The following CNTNAP5 variants were observed in gnomAD, a reference collection of about 807,000 sequenced individuals.
CNTNAP5 encodes the protein contactin associated protein family member 5.
Under a neutral mutation model 150.2 loss-of-function variants are expected in CNTNAP5, and 72 were observed. The ratio of observed to expected loss-of-function variants is 0.48; its 90% confidence interval spans 0.40 to 0.58. The LOEUF (loss-of-function observed/expected upper bound fraction) is 0.58. Among genes scored for constraint, CNTNAP5 ranks in the 20% least tolerant of loss-of-function variants. The pLI is 0.00. For missense variants in CNTNAP5, 1,636 were observed against 1,626.2 expected, an observed-to-expected ratio of 1.01 and a Z score of -0.10; for synonymous variants, 672 against 619.8, an observed-to-expected ratio of 1.08 and a Z score of -1.25.
At chr2:124,476,626 G>C (rs77636541) in intron 7 of CNTNAP5, among the ~76,000 whole-genome samples, 3,298 of 152,254 alleles carry the variant, frequency 0.022, 73 homozygotes, top group South Asian at 0.053. Flanking sequence ...GGAGAGACTT[G>C]GTTCTATCTG....
chr2:124,856,556 A>G (rs1573664686), intron 19 of CNTNAP5, among the ~76,000 whole-genome samples: 1 of 152,062 alleles, frequency 6.6e-6, no homozygotes, highest in Non-Finnish European at 1.5e-5. Flanking sequence ...TAATATCGCA[A>G]TGTTGTTTTA....
rs558572178 is a variant in CNTNAP5 at position 124,255,866 on chromosome 2, C to T, written c.381+13473C>T. 6.7e-4 allele frequency among the ~76,000 whole-genome samples: 102 copies of T among 152,206 alleles called. 1 individual carries two copies. The Middle Eastern group carries it at 0.024, about 36-fold the overall frequency. Reference sequence around the variant, plus strand: ...CAGATGCACGTATGCAGCCCAGGCACATAGTAGGTACTCAATAAATGCTGG... The same window carrying T: ...CAGATGCACGTATGCAGCCCAGGCATATAGTAGGTACTCAATAAATGCTGG... On this transcript the variant is annotated intron_variant, in intron 3 of 23. Coordinates refer to ENST00000682447, the MANE Select transcript of CNTNAP5 (RefSeq NM_001367498.1).
intron 12 of CNTNAP5, among the ~76,000 whole-genome samples, chr2:124,647,427 A>G (rs904848461): frequency 2.0e-5 from 3 of 152,074 alleles, no homozygotes; most frequent in Non-Finnish European, 4.4e-5. Flanking sequence ...GAGTTGCCTA[A>G]TTTTCTTTCA....
At chr2:124,508,183 C>T (rs1694459209) in intron 8 of CNTNAP5, among the ~76,000 whole-genome samples, 1 of 152,162 alleles carries the variant, frequency 6.6e-6, no homozygotes, top group Admixed American at 6.5e-5. Flanking sequence ...CATTTTTCTT[C>T]CTTCCGTGCT....
intron 6 of CNTNAP5, among the ~76,000 whole-genome samples, chr2:124,469,056 C>T (rs1693445150): frequency 6.6e-6 from 1 of 152,168 alleles, no homozygotes; most frequent in African/African-American, 2.4e-5. Context: ...TATCCATATC[C>T]ACCCAACTCA....
At chr2:124,108,638 G>A (rs1683222203) in intron 1 of CNTNAP5, among the ~76,000 whole-genome samples, 1 of 152,170 alleles carries the variant, frequency 6.6e-6, no homozygotes, top group African/African-American at 2.4e-5. Context: ...GGGAAGCTTT[G>A]AATGTGTTCA....
chr2:124,663,190 G>A (rs887923805), intron 13 of CNTNAP5, among the ~76,000 whole-genome samples: 1 of 152,146 alleles, frequency 6.6e-6, no homozygotes, highest in African/African-American at 2.4e-5. Context: ...AACCTGTTAC[G>A]GTTAAATCCC....
intron 3 of CNTNAP5, among the ~76,000 whole-genome samples, chr2:124,307,691 T>C (rs1688726100): frequency 6.6e-6 from 1 of 152,122 alleles, no homozygotes; most frequent in African/African-American, 2.4e-5. Flanking sequence ...AAACTGAAGG[T>C]GAAGGAAGGA....
chr2:124,883,957 CATAT>C (rs1255325519), intron 21 of CNTNAP5, among the ~76,000 whole-genome samples: 39 of 152,060 alleles, frequency 2.6e-4, no homozygotes, highest in Admixed American at 6.5e-4. Context: ...TACATGTACA[CATAT>C]GTTTCTTTCT....
chr2:124,685,449 A>T (rs939175591), intron 13 of CNTNAP5, among the ~76,000 whole-genome samples: 4 of 132,414 alleles, frequency 3.0e-5, no homozygotes, highest in Admixed American at 7.2e-5. Flanking sequence ...TTTTCCTTGT[A>T]GGTTATGCAT....
intron 6 of CNTNAP5, among the ~76,000 whole-genome samples, chr2:124,470,333 T>C (rs148179048): frequency 1.3e-3 from 202 of 152,234 alleles, no homozygotes; most frequent in African/African-American, 4.7e-3. Flanking sequence ...GATATTGAAC[T>C]TTTTTTCATA....
intron 11 of CNTNAP5, among the ~76,000 whole-genome samples, chr2:124,589,317 C>A (rs1696625590): frequency 6.6e-6 from 1 of 152,120 alleles, no homozygotes; most frequent in African/African-American, 2.4e-5. Flanking sequence ...TGGCTTCTTT[C>A]ATTTAGCACG....
intron 1 of CNTNAP5, among the ~76,000 whole-genome samples, chr2:124,124,252 C>A (rs1683633311): frequency 6.6e-6 from 1 of 152,022 alleles, no homozygotes; most frequent in Admixed American, 6.6e-5. Flanking sequence ...GGCACGAGAA[C>A]TATGTGACGC....
At chr2:124,717,185 T>C (rs1679961858) in intron 13 of CNTNAP5, among the ~76,000 whole-genome samples, 1 of 152,134 alleles carries the variant, frequency 6.6e-6, no homozygotes, top group African/African-American at 2.4e-5. Context: ...TGATTTGCTT[T>C]GTGATGGTGA....
intron 3 of CNTNAP5, among the ~76,000 whole-genome samples, chr2:124,416,838 G>A (rs779068251): frequency 2.0e-5 from 3 of 151,926 alleles, no homozygotes; most frequent in South Asian, 2.1e-4. Context: ...TTAGGAACAT[G>A]GGAATTTCAT....
chr2:124,027,141 G>A (rs1680913589), intron 1 of CNTNAP5, among the ~76,000 whole-genome samples: 1 of 152,220 alleles, frequency 6.6e-6, no homozygotes, highest in Non-Finnish European at 1.5e-5. Context: ...GAATATGTAG[G>A]AGCCGTTGGA....
rs397985759 is a variant in CNTNAP5 at position 124,215,712 on chromosome 2, CAAAA to C, written c.83-5975_83-5972del. 6.3e-4 allele frequency among the ~76,000 whole-genome samples: 52 copies of C among 82,064 alleles called. 1 individual carries two copies. The highest frequency in any genetic ancestry group is 5.7e-3 in the East Asian group (17 of 2,962). The allele number at this position is 82,064 out of a possible 152,430, so 53.8% of individuals were successfully genotyped here. A position where few individuals can be genotyped will look rare whatever the true frequency, so the allele number is the denominator to read the frequency against. Reference sequence around the variant, plus strand: ...GTATTGAAGATGAATAGAAGAAAGGCAAAAAAAAAAAAAAAAAAAAAGAAGAGAA... The same window carrying C: ...GTATTGAAGATGAATAGAAGAAAGGCAAAAAAAAAAAAAAAAAGAAGAGAA... On this transcript the variant is annotated intron_variant, in intron 1 of 23. Coordinates refer to ENST00000682447, the MANE Select transcript of CNTNAP5 (RefSeq NM_001367498.1).
At chr2:124,868,962 T>G in intron 20 of CNTNAP5, among the ~76,000 whole-genome samples, 1 of 151,998 alleles carries the variant, frequency 6.6e-6, no homozygotes, top group South Asian at 2.1e-4. Context: ...GAGGGCTCCC[T>G]AGGAATGGGA....
intron 11 of CNTNAP5, among the ~76,000 whole-genome samples, chr2:124,565,372 CT>C (rs1396802760): frequency 1.3e-5 from 2 of 151,980 alleles, no homozygotes; most frequent in Admixed American, 1.3e-4. Flanking sequence ...AGGATAAATG[CT>C]TGAGGGGATG....
Sources: allele counts gnomAD v4.1 joint callset (sites outside exome capture counted in the v4.1 genomes callset), GRCh38; gene constraint gnomAD v4.1.1; transcripts MANE v1.5; gene names NCBI Gene and HGNC (gene_info 2026-07-23, HGNC 2026-07-21).